The following TAF5 variants were observed in gnomAD, a reference collection of about 807,000 sequenced individuals.
The protein encoded by TAF5 is TATA-box binding protein associated factor 5.
Under a neutral mutation model 80.9 loss-of-function variants are expected in TAF5, and 20 were observed. The ratio of observed to expected loss-of-function variants is 0.25; its 90% confidence interval spans 0.17 to 0.36. The LOEUF (loss-of-function observed/expected upper bound fraction) is 0.36. Ranked by LOEUF, TAF5 falls within the 10% of genes least tolerant of loss-of-function variation. TAF5 has a pLI of 1.00. For synonymous variants in TAF5, 388 were observed against 406.4 expected (o/e 0.95, Z 0.55); for missense variants, 863 against 1,029.4 (o/e 0.84, Z 2.21).
intron 5 of TAF5, 31 bp from the exon 6 acceptor site, chr10:103,381,690 G>T: frequency 6.2e-7 from 1 of 1,612,392 alleles, no homozygotes; most frequent in Non-Finnish European, 8.5e-7. Flanking sequence ...TCCTAAAATA[G>T]TATTGTTTAG....
chr10:103,379,838 T>C (rs1008686711), intron 4 of TAF5, 46 bp from the exon 5 acceptor site: 2 of 1,602,764 alleles, frequency 1.2e-6, no homozygotes, highest in Non-Finnish European at 1.7e-6. Context: ...GAGTTCAAGT[T>C]TGTTAATAGT....
Position 103,373,390 on chromosome 10 carries a change from G to A in TAF5, c.592G>A (p.Val198Ile), listed in dbSNP as rs2093364060. Residue 198 changes from valine (V) to isoleucine (I), a missense_variant, in exon 2 of 11, where the codon GTC becomes ATC. This residue lies in a region of TAF5 where 367 missense variants were observed against 335.5 expected (regional missense o/e 1.09). Coordinates refer to ENST00000369839, the MANE Select transcript of TAF5 (RefSeq NM_006951.5). The stretch of plus-strand genomic sequence containing the variant: ...TGTTGCTGTGGAAGACCAGCCAGAT[G>A]TCAGTGCCGTGTTGTCAGCCTACAA... ...GSVAVEDQPD[V>I]SAVLSAYNQQ... is the part of the protein sequence containing the mutation. 1 of 1,614,118 alleles carries A rather than the reference G, an allele frequency of 6.2e-7. No individual in the cohort carries two copies. Among genetic ancestry groups the A allele is most frequent in the Non-Finnish European group, 8.5e-7 (1 of 1,180,020 alleles).
At chr10:103,377,101 A>C (rs1246396642) in intron 2 of TAF5, among the ~76,000 whole-genome samples, 5 of 152,200 alleles carry the variant, frequency 3.3e-5, no homozygotes, top group African/African-American at 4.8e-5. Flanking sequence ...GGCTGCATTG[A>C]ACCACTGCAC....
At chr10:103,380,366 G>T (rs1233173574) in intron 5 of TAF5, among the ~76,000 whole-genome samples, 2 of 152,136 alleles carry the variant, frequency 1.3e-5, no homozygotes, top group Admixed American at 6.6e-5. Flanking sequence ...CTGACCTTGT[G>T]ATCCGCCTGC....
intron 6 of TAF5, 39 bp from the exon 7 acceptor site, chr10:103,383,199 A>G (rs2093387224): frequency 2.7e-6 from 4 of 1,507,428 alleles, no homozygotes; most frequent in Non-Finnish European, 3.6e-6. Flanking sequence ...GTTTTGATGA[A>G]TGTACTTATA....
intron 1 of TAF5, among the ~76,000 whole-genome samples, chr10:103,368,982 A>AT (rs34262432): frequency 0.52 from 75,485 of 146,110 alleles, 20,180 homozygotes; most frequent in South Asian, 0.77. Flanking sequence ...TACTTTATAG[A>AT]TTTTTTTTTT....
Position 103,387,280 on chromosome 10 carries a change from C to G in TAF5, c.1935C>G (p.Gly645=). 6.2e-7 allele frequency: 1 copy of G among 1,614,146 alleles called. No individual in the cohort carries two copies. The highest frequency in any genetic ancestry group is 8.5e-7 in the Non-Finnish European group (1 of 1,180,024). ...FHPNSNYVAT[G]SADRTVRLWD... ...CAAATTCTAATTATGTTGCTACGGG[C>G]TCTGCAGACAGAACTGTGCGGCTCT... The change falls in exon 9 of 11, where the codon GGC becomes GGG. Residue 645 remains glycine (G), a synonymous_variant. Transcript: ENST00000369839.
At position 103,368,061 on chromosome 10, in the gene TAF5, A is replaced by G. The variant is rs1274431849; in HGVS notation, c.72A>G (p.Leu24=). ...KLEPEGPPTL[L]PPQAGDGAGE... is the part of the protein sequence containing the mutation. ...AGCCTGAGGGACCGCCAACGCTGCT[A>G]CCTCCGCAGGCGGGGGACGGCGCAG... Residue 24 remains leucine, a synonymous_variant, in exon 1 of 11, where the codon CTA becomes CTG. Transcript: ENST00000369839. 7.0e-6 allele frequency: 10 copies of G among 1,432,054 alleles called. No homozygotes were observed. The highest frequency in any genetic ancestry group is 8.2e-6 in the Non-Finnish European group (9 of 1,094,946). 88.7% of individuals were successfully genotyped at this position (1,432,054 alleles called of 1,614,324 possible). A position where few individuals can be genotyped will look rare whatever the true frequency, so the allele number is the denominator to read the frequency against.
chr10:103,388,086 A>G lies in TAF5; in HGVS notation c.2266A>G (p.Thr756Ala). The G allele has an allele frequency of 6.2e-7, 1 of 1,614,142 alleles. No homozygotes were observed. The highest frequency in any genetic ancestry group is 1.1e-5 in the South Asian group (1 of 91,086). The change falls in exon 11 of 11, where the codon ACT becomes GCT. Residue 756 changes from threonine (T) to alanine (A), a missense_variant. This residue lies in a region of TAF5 where 368 missense variants were observed against 461.7 expected (regional missense o/e 0.80). Coordinates refer to ENST00000369839, the MANE Select transcript of TAF5 (RefSeq NM_006951.5). ...AGAGACCGATGACTTTACTACAGCC[A>G]CTGGGCATATAAATTTACCTGAGAA... ...DLETDDFTTA[T>A]GHINLPENSQ... is the part of the protein sequence containing the mutation.
rs759863018 is a variant in TAF5 at position 103,378,155 on chromosome 10, A to C, written c.798-80A>C. On this transcript the variant is annotated intron_variant, in intron 2 of 10. Transcript: ENST00000369839. This position sits in a 1 kb window ranked among gnomAD's most constrained non-coding sequence, Gnocchi z 4.1. Reference sequence around the variant, plus strand: ...ACTACTACATTGAAAATATTCTGGGATGGTTTATAAGTATATGGGGGAAAG... The same window carrying C: ...ACTACTACATTGAAAATATTCTGGGCTGGTTTATAAGTATATGGGGGAAAG... 1.2e-5 allele frequency: 15 copies of C among 1,227,934 alleles called. No homozygotes were observed. The highest frequency in any genetic ancestry group is 1.6e-5 in the Non-Finnish European group (14 of 873,358). 76.1% of individuals were successfully genotyped at this position (1,227,934 alleles called of 1,614,324 possible).
intron 8 of TAF5, 85 bp downstream of exon 8, chr10:103,385,575 T>C (rs1331349572): frequency 1.4e-6 from 2 of 1,409,780 alleles, no homozygotes; most frequent in East Asian, 2.4e-5. Flanking sequence ...GCCAAATTCA[T>C]TTACACTTCC....
At position 103,373,338 on chromosome 10, in the gene TAF5, G is replaced by GT. The variant is rs1228058926; in HGVS notation, c.560-14dup. On this transcript the variant is annotated intron_variant, in intron 1 of 10. Coordinates refer to ENST00000369839, the MANE Select transcript of TAF5 (RefSeq NM_006951.5). ...GTCATAATAGGTCATTTTCTTAAAA[G>GT]TTTTTTGTTTTTTAAATAGTTGGAA... 1 of 1,607,350 alleles carries GT rather than the reference G, an allele frequency of 6.2e-7. No homozygotes were observed. Among genetic ancestry groups the GT allele is most frequent in the Non-Finnish European group, 8.5e-7 (1 of 1,176,556 alleles).
chr10:103,382,124 T>C (rs1482750625), intron 6 of TAF5, among the ~76,000 whole-genome samples: 2 of 152,208 alleles, frequency 1.3e-5, no homozygotes, highest in Non-Finnish European at 2.9e-5. Context: ...CTTGTAAATC[T>C]TAAAAAATCT....
At position 103,368,368 on chromosome 10, in the gene TAF5, G is replaced by T. The variant is rs754660124; in HGVS notation, c.379G>T (p.Val127Leu). The change falls in exon 1 of 11, where the codon GTG (valine) becomes TTG (leucine). Residue 127 changes from valine to leucine, a missense_variant. By Grantham distance (32) the Val-to-Leu change is conservative. Transcript: ENST00000369839. ...TGAGGCCGGGCTGCTGGAGGAGGCA[G>T]TGGCGGGCTCCGGAGCCCCGGGAGA... is the stretch of plus-strand genomic sequence containing the variant. ...RREAGLLEEA[V>L]AGSGAPGEVD... 4.9e-5 allele frequency: 77 copies of T among 1,564,970 alleles called. 1 individual carries two copies. Among genetic ancestry groups the T allele is most frequent in the Admixed American group, 1.1e-4 (6 of 53,538 alleles).
At position 103,378,939 on chromosome 10, in the gene TAF5, C is replaced by T. The variant is rs1214733478; in HGVS notation, c.1113+389C>T. ...CCTCCCAAAGTGCTGGCATAACAGG[C>T]GTGAGCTACTGCGCCTGGCCGCTTG... On this transcript the variant is annotated intron_variant, in intron 3 of 10. Coordinates refer to ENST00000369839, the MANE Select transcript of TAF5 (RefSeq NM_006951.5). This position sits in a 1 kb window ranked among gnomAD's most constrained non-coding sequence, Gnocchi z 4.1. Among the ~76,000 whole-genome samples the T allele has an allele frequency of 2.0e-5, 3 of 152,122 alleles. No individual in the cohort carries two copies. The highest frequency in any genetic ancestry group is 1.9e-4 in the East Asian group (1 of 5,200).
chr10:103,378,494 G>A lies in TAF5; in HGVS notation c.1057G>A (p.Asp353Asn). The change falls in exon 3 of 11, where the codon GAT (aspartate) becomes AAT (asparagine). Residue 353 changes from aspartate (D) to asparagine (N), a missense_variant. This residue lies in a region of TAF5 where 128 missense variants were observed against 232.2 expected (regional missense o/e 0.55). Coordinates refer to ENST00000369839, the MANE Select transcript of TAF5 (RefSeq NM_006951.5). This position sits in a 1 kb window ranked among gnomAD's most constrained non-coding sequence, Gnocchi z 4.1. ...DGMPRSKQQI[D>N]AMVGSLAGEA... ...GATGCCGCGTAGTAAGCAACAGATA[G>A]ATGCGATGGTGGGAAGTTTGGCAGG... 1 of 1,614,138 alleles carries A rather than the reference G, an allele frequency of 6.2e-7. No homozygotes were observed. The highest frequency in any genetic ancestry group is 1.6e-4 in the Middle Eastern group (1 of 6,062).
chr10:103,373,144 C>T (rs2093363354), intron 1 of TAF5, among the ~76,000 whole-genome samples: 1 of 151,788 alleles, frequency 6.6e-6, no homozygotes, highest in Admixed American at 6.6e-5. Flanking sequence ...TTGCAGTGAG[C>T]CGAGATCTCC....
chr10:103,377,952 C>A (rs1306730896), intron 2 of TAF5, among the ~76,000 whole-genome samples: 1 of 152,088 alleles, frequency 6.6e-6, no homozygotes, highest in Non-Finnish European at 1.5e-5. Flanking sequence ...AAACTGTCTA[C>A]CAATGGTGGG....
chr10:103,381,968 C>T (rs1464770439), intron 6 of TAF5, 127 bp downstream of exon 6: 2 of 1,329,648 alleles, frequency 1.5e-6, no homozygotes, highest in Non-Finnish European at 2.1e-6. Context: ...ACTCAAGATT[C>T]TAACATTCCC....
Sources: gnomAD v4.1 joint callset for allele counts (sites outside exome capture counted in the v4.1 genomes callset) on GRCh38, gnomAD v4.1.1 for gene constraint, gnomAD v4.1.1 regional missense constraint, Gnocchi (gnomAD v3.1) non-coding constraint, MANE v1.5 for transcripts, NCBI Gene and HGNC (gene_info 2026-07-23, HGNC 2026-07-21) for gene names.